Variants in CNTN5 observed in about 807,000 individuals in gnomAD.
CNTN5 encodes contactin-5.
A neutral mutation model predicts 129.1 loss-of-function variants in CNTN5; 77 were observed. The ratio of observed to expected loss-of-function variants is 0.60; its 90% CI spans 0.50 to 0.72. The LOEUF is 0.72. Ranked by LOEUF, CNTN5 falls within the 30% of genes least tolerant of loss-of-function variation. The pLI is 0.00. For missense variants in CNTN5, 1,478 were observed against 1,328.8 expected (o/e 1.11, Z -1.75); for synonymous variants, 509 against 465.6 (o/e 1.09, Z -1.20).
At chr11:99,926,609 A>G (rs193291975) in intron 7 of CNTN5, among the ~76,000 whole-genome samples, 141 of 152,296 alleles carry the variant, frequency 9.3e-4, no homozygotes, top group Admixed American at 1.6e-3. Flanking sequence ...GGCATCTTTA[A>G]TCTTACAAAA....
intron 1 of CNTN5, among the ~76,000 whole-genome samples, chr11:99,145,308 G>A (rs1859726158): frequency 6.6e-6 from 1 of 151,936 alleles, no homozygotes; most frequent in African/African-American, 2.4e-5. Flanking sequence ...GGACTCAAAT[G>A]ATTCACCCAC....
chr11:100,159,741 C>T (rs962606992), intron 13 of CNTN5, among the ~76,000 whole-genome samples: 3 of 151,908 alleles, frequency 2.0e-5, no homozygotes, highest in Non-Finnish European at 4.4e-5. Flanking sequence ...GACAATAGAG[C>T]ACATGCCAGA....
intron 6 of CNTN5, among the ~76,000 whole-genome samples, chr11:99,852,892 C>A (rs568694194): frequency 2.6e-5 from 4 of 152,200 alleles, no homozygotes; most frequent in African/African-American, 9.6e-5. Context: ...CTTTCCCAAG[C>A]ATAGGAGATT....
intron 13 of CNTN5, among the ~76,000 whole-genome samples, chr11:100,086,710 T>C (rs2137965400): frequency 6.6e-6 from 1 of 151,570 alleles, no homozygotes; most frequent in South Asian, 2.1e-4. Flanking sequence ...ATAGCAAAGT[T>C]GAAAGTTAAT....
At chr11:100,057,343 CTTATT>C (rs1180666422) in intron 9 of CNTN5, among the ~76,000 whole-genome samples, 2 of 150,192 alleles carry the variant, frequency 1.3e-5, no homozygotes, top group Non-Finnish European at 3.0e-5. Context: ...ACTTAAAATG[CTTATT>C]TTAGAGACCA....
At chr11:99,929,766 AAGATGATATT>A (rs1950149652) in intron 7 of CNTN5, among the ~76,000 whole-genome samples, 1 of 152,154 alleles carries the variant, frequency 6.6e-6, no homozygotes, top group African/African-American at 2.4e-5. Context: ...GCTACAATTT[AAGATGATATT>A]TGGGTGGGGA....
chr11:99,333,483 A>G (rs948356778), intron 2 of CNTN5, among the ~76,000 whole-genome samples: 1 of 152,030 alleles, frequency 6.6e-6, no homozygotes, highest in Non-Finnish European at 1.5e-5. Context: ...TCCATATTTT[A>G]TTGAATATTT....
intron 13 of CNTN5, among the ~76,000 whole-genome samples, chr11:100,161,893 A>C (rs1465711588): frequency 6.6e-6 from 1 of 150,418 alleles, no homozygotes; most frequent in African/African-American, 2.5e-5. Context: ...ACAAAAAACA[A>C]AAAACACACC....
chr11:99,772,266 T>C (rs542774037), intron 3 of CNTN5, among the ~76,000 whole-genome samples: 1 of 152,098 alleles, frequency 6.6e-6, no homozygotes, highest in Admixed American at 6.6e-5. Flanking sequence ...TAATATAGTG[T>C]AGTCAAACAT....
intron 1 of CNTN5, among the ~76,000 whole-genome samples, chr11:99,152,574 A>C (rs886339027): frequency 6.6e-6 from 1 of 152,106 alleles, no homozygotes; most frequent in African/African-American, 2.4e-5. Context: ...ACAGCATACC[A>C]CTGAGTTTTA....
At chr11:99,029,481 GA>G (rs1863260926) in intron 1 of CNTN5, among the ~76,000 whole-genome samples, 1 of 151,854 alleles carries the variant, frequency 6.6e-6, no homozygotes, top group East Asian at 1.9e-4. Context: ...GAAACTTAAG[GA>G]AAAAATACCT....
chr11:100,337,135 GATGAC>G (rs1374423996), intron 21 of CNTN5: 9 of 1,413,498 alleles, frequency 6.4e-6, no homozygotes, highest in African/African-American at 1.4e-5. Context: ...TTACAAAATA[GATGAC>G]ATGACAGCTG....
At chr11:99,199,867 T>C (rs564448845) in intron 1 of CNTN5, among the ~76,000 whole-genome samples, 3 of 152,328 alleles carry the variant, frequency 2.0e-5, no homozygotes, top group African/African-American at 7.2e-5. Flanking sequence ...TTCCACATTC[T>C]ACTTTAAATA....
At chr11:99,287,070 C>T (rs1392814414) in intron 1 of CNTN5, among the ~76,000 whole-genome samples, 2 of 152,196 alleles carry the variant, frequency 1.3e-5, no homozygotes, top group East Asian at 3.9e-4. Context: ...TGATAACTGC[C>T]TTTCAATATT....
At chr11:99,664,561 C>T (rs1446060066) in intron 3 of CNTN5, among the ~76,000 whole-genome samples, 2 of 152,104 alleles carry the variant, frequency 1.3e-5, no homozygotes, top group Non-Finnish European at 2.9e-5. Context: ...CTATAGCCAT[C>T]GTTTTGCTAT....
intron 1 of CNTN5, among the ~76,000 whole-genome samples, chr11:99,322,277 T>C (rs1865606366): frequency 6.6e-6 from 1 of 152,180 alleles, no homozygotes; most frequent in African/African-American, 2.4e-5. Context: ...CACATGTTTC[T>C]GGTGTCTACT....
intron 3 of CNTN5, among the ~76,000 whole-genome samples, chr11:99,584,385 C>T (rs1949721909): frequency 6.6e-6 from 1 of 152,144 alleles, no homozygotes. Context: ...TGGCCACAGA[C>T]AGAAGGACCT....
intron 16 of CNTN5, among the ~76,000 whole-genome samples, chr11:100,233,850 A>C (rs964798842): frequency 6.6e-6 from 1 of 152,188 alleles, no homozygotes; most frequent in African/African-American, 2.4e-5. Flanking sequence ...AGAAACTATC[A>C]TCAGAGTGAA....
At chr11:99,115,495 A>G (rs1451131627) in intron 1 of CNTN5, among the ~76,000 whole-genome samples, 6 of 152,182 alleles carry the variant, frequency 3.9e-5, no homozygotes, top group Middle Eastern at 6.3e-3. Flanking sequence ...GCGGTGGCTC[A>G]TGCCTGTAAT....
Sources: gnomAD v4.1 joint callset for allele counts (sites outside exome capture counted in the v4.1 genomes callset) on GRCh38, gnomAD v4.1.1 for gene constraint, MANE v1.5 for transcripts, NCBI Gene and HGNC (gene_info 2026-07-23, HGNC 2026-07-21) for gene names.